DGKB: variants seen among roughly 807,000 people sequenced by gnomAD.
The protein encoded by DGKB is diacylglycerol kinase beta, also known as 90 kDa diacylglycerol kinase.
In DGKB, 67 loss-of-function variants were observed where a neutral mutation model predicts 114.3. The ratio of observed to expected loss-of-function variants is 0.59; its 90% CI spans 0.48 to 0.72. The LOEUF is 0.72. Ranked by LOEUF, DGKB falls within the 30% of genes least tolerant of loss-of-function variation. The pLI is 0.00. For synonymous variants in DGKB, 398 were observed against 323.1 expected (o/e 1.23, Z -2.49); for missense variants, 907 against 975.2 (o/e 0.93, Z 0.93).
At chr7:14,566,560 A>T (rs544021233) in intron 20 of DGKB, among the ~76,000 whole-genome samples, 15 of 152,304 alleles carry the variant, frequency 9.8e-5, no homozygotes, top group Middle Eastern at 6.8e-3. Flanking sequence ...TTCTGCTGCA[A>T]ATGGATCGGG....
At chr7:14,921,379 G>A (rs1404515736) in intron 1 of DGKB, among the ~76,000 whole-genome samples, 3 of 152,130 alleles carry the variant, frequency 2.0e-5, no homozygotes, top group African/African-American at 7.2e-5. Context: ...TAATTTTTCT[G>A]CAAAGGTAAT....
In DGKB at chr7:14,260,536, G is replaced by A. The variant is rs1796617910; in HGVS notation, c.2122+77979C>T. Among the ~76,000 whole-genome samples the A allele has an allele frequency of 2.0e-5, 3 of 151,984 alleles. 1 individual carries two copies. The highest frequency in any genetic ancestry group is 4.2e-4 in the South Asian group (2 of 4,816). On this transcript the variant is annotated intron_variant, in intron 23 of 25. Coordinates refer to ENST00000402815, the MANE Select transcript of DGKB (RefSeq NM_001350709.2). Reference sequence around the variant, plus strand: ...GATCATCATTTTATAAGAAGTCTTGGGCATTTTTAATCCTTTAAATAATAG... The same window carrying A: ...GATCATCATTTTATAAGAAGTCTTGAGCATTTTTAATCCTTTAAATAATAG...
At chr7:14,270,571 C>A (rs1430506629) in intron 23 of DGKB, among the ~76,000 whole-genome samples, 2 of 152,168 alleles carry the variant, frequency 1.3e-5, no homozygotes, top group Non-Finnish European at 2.9e-5. Flanking sequence ...GTAGTACAGG[C>A]AATCTGAGTC....
intron 1 of DGKB, among the ~76,000 whole-genome samples, chr7:14,863,554 T>C (rs10262324): frequency 0.12 from 17,945 of 151,960 alleles, 2,085 homozygotes; most frequent in East Asian, 0.29. Context: ...ATATACTACA[T>C]ACTTACAGTG....
At chr7:14,203,125 C>G (rs1786158892) in intron 23 of DGKB, among the ~76,000 whole-genome samples, 1 of 125,098 alleles carries the variant, frequency 8.0e-6, no homozygotes, top group Non-Finnish European at 1.6e-5. Flanking sequence ...TGCGAATAAT[C>G]TCTACTTCGG....
chr7:14,511,437 C>A (rs754989815), intron 20 of DGKB, among the ~76,000 whole-genome samples: 20 of 152,276 alleles, frequency 1.3e-4, no homozygotes, highest in Admixed American at 3.9e-4. Flanking sequence ...GCTTCCTCAC[C>A]TCTCTTAGCC....
chr7:14,492,138 A>C (rs1226736686), intron 20 of DGKB, among the ~76,000 whole-genome samples: 2 of 152,088 alleles, frequency 1.3e-5, no homozygotes, highest in African/African-American at 4.8e-5. Context: ...TATCTAGAAA[A>C]AAATTCTAGA....
intron 1 of DGKB, among the ~76,000 whole-genome samples, chr7:14,970,470 A>G (rs950622653): frequency 2.0e-5 from 3 of 152,194 alleles, no homozygotes; most frequent in Non-Finnish European, 2.9e-5. Flanking sequence ...AAATTAAAAA[A>G]AAAGATTTAT....
At chr7:14,757,182 C>T (rs1834999005) in intron 3 of DGKB, among the ~76,000 whole-genome samples, 1 of 151,902 alleles carries the variant, frequency 6.6e-6, no homozygotes, top group Non-Finnish European at 1.5e-5. Flanking sequence ...GAAATAATTG[C>T]CTGAAAGGGG....
intron 1 of DGKB, among the ~76,000 whole-genome samples, chr7:14,917,344 AG>A (rs1464480368): frequency 6.6e-6 from 1 of 152,090 alleles, no homozygotes; most frequent in East Asian, 1.9e-4. Context: ...AGCAAAAGTT[AG>A]ATCTTAGAGC....
intron 6 of DGKB, 75 bp downstream of exon 6, chr7:14,718,466 AT>A: frequency 7.3e-7 from 1 of 1,367,686 alleles, no homozygotes; most frequent in Admixed American, 2.7e-5. Flanking sequence ...TACTAATGCA[AT>A]TTTAAGTTAA....
chr7:14,842,861 A>G (rs1848125179), intron 1 of DGKB, among the ~76,000 whole-genome samples: 1 of 152,202 alleles, frequency 6.6e-6, no homozygotes, highest in South Asian at 2.1e-4. Flanking sequence ...ATTCCTGTCT[A>G]AACCTGACTC....
At chr7:14,935,194 T>C (rs1489074331) in intron 1 of DGKB, among the ~76,000 whole-genome samples, 1 of 152,150 alleles carries the variant, frequency 6.6e-6, no homozygotes, top group Non-Finnish European at 1.5e-5. Flanking sequence ...TGGCTGTTTT[T>C]AAAGGGAATA....
rs556995746 is a variant in DGKB, at chr7:14,928,312, C to G, written c.-188+46384G>C. 9.2e-5 allele frequency among the ~76,000 whole-genome samples: 14 copies of G among 151,894 alleles called. No homozygotes were observed. The South Asian group carries it at 2.9e-3, about 31-fold the overall frequency. ...CAAAAAACTTTAACCATCTAAATAC[C>G]TAGTTATCCTACTGATACATTGATT... On this transcript the variant is annotated intron_variant, in intron 1 of 4. Transcript: ENST00000437998.
intron 4 of DGKB, among the ~76,000 whole-genome samples, chr7:14,747,771 A>ACGCGCGCG (rs1344297768): frequency 7.5e-4 from 69 of 92,112 alleles, no homozygotes; most frequent in African/African-American, 2.1e-3. Context: ...AAACACATCC[A>ACGCGCGCG]CGCGCACGCA....
intron 3 of DGKB, among the ~76,000 whole-genome samples, chr7:14,756,173 A>C (rs1187949888): frequency 6.6e-6 from 1 of 152,070 alleles, no homozygotes; most frequent in Non-Finnish European, 1.5e-5. Flanking sequence ...CATTATGGAG[A>C]AAAACAGGTT....
chr7:14,512,177 A>G (rs968254466), intron 20 of DGKB, among the ~76,000 whole-genome samples: 1 of 152,232 alleles, frequency 6.6e-6, no homozygotes, highest in Non-Finnish European at 1.5e-5. Context: ...GTAAAGTGCA[A>G]TAAAGCAGAG....
chr7:14,932,993 G>T (rs1033917873), intron 1 of DGKB, among the ~76,000 whole-genome samples: 2 of 152,130 alleles, frequency 1.3e-5, no homozygotes, highest in Admixed American at 6.5e-5. Context: ...TAACCTGGGG[G>T]CAAGAATAGT....
chr7:14,224,478 C>T (rs1790474814), intron 23 of DGKB, among the ~76,000 whole-genome samples: 1 of 151,958 alleles, frequency 6.6e-6, no homozygotes. Context: ...CTGTTTAACT[C>T]AATATCTGCT....
Sources: gnomAD v4.1 joint callset for allele counts (sites outside exome capture counted in the v4.1 genomes callset) on GRCh38, gnomAD v4.1.1 for gene constraint, MANE v1.5 for transcripts, NCBI Gene and HGNC (gene_info 2026-07-23, HGNC 2026-07-21) for gene names.